The following BEND2 variants were observed in gnomAD, a reference collection of about 807,000 sequenced individuals.
The protein encoded by BEND2 is BEN domain-containing protein 2.
A neutral mutation model predicts 43.8 loss-of-function variants in BEND2; 19 were observed. The observed-to-expected ratio is 0.43, with a 90% CI of 0.30 to 0.64. The LOEUF is 0.64. Among genes scored for constraint, BEND2 ranks in the 30% least tolerant of loss-of-function variants. The pLI, the probability that BEND2 is intolerant of heterozygous loss-of-function variation, is 0.11. For synonymous variants in BEND2, 226 were observed against 210.1 expected (o/e 1.08, Z -0.66); for missense variants, 544 against 574.0 (o/e 0.95, Z 0.53).
intron 13 of BEND2, among the ~76,000 whole-genome samples, chrX:18,167,544 T>C (rs1923855942): frequency 9.0e-6 from 1 of 111,271 alleles, no homozygotes; most frequent in Non-Finnish European, 1.9e-5. Context: ...GAGGTCTTAG[T>C]TGACCATAAA....
intron 4 of BEND2, among the ~76,000 whole-genome samples, chrX:18,207,127 G>A (rs929772464): frequency 1.8e-5 from 2 of 110,882 alleles, no homozygotes; most frequent in East Asian, 2.9e-4. Context: ...TTCCCAGCTC[G>A]CCTCTGCACC....
chrX:18,201,417 ACAAAAAAAAAAAAAC>A (rs1925151614), intron 6 of BEND2, among the ~76,000 whole-genome samples: 1 of 87,083 alleles, frequency 1.1e-5, no homozygotes, highest in African/African-American at 5.0e-5. Flanking sequence ...AAAAAAAAAA[ACAAAAAAAAAAAAAC>A]TGGTGGATCA....
chrX:18,195,679 G>A (rs909707859), intron 6 of BEND2, among the ~76,000 whole-genome samples: 1 of 109,931 alleles, frequency 9.1e-6, no homozygotes, highest in Non-Finnish European at 1.9e-5. Context: ...CCAGAAGTTC[G>A]AGACCAGCCT....
chrX:18,164,715 C>A lies in BEND2; in HGVS notation c.*294G>T, dbSNP rs1453413744. 1.4e-5 allele frequency: 3 copies of A among 211,406 alleles called. No individual in the cohort carries two copies. Among genetic ancestry groups the A allele is most frequent in the Non-Finnish European group, 2.5e-5 (3 of 117,823 alleles). 17.4% of individuals were successfully genotyped at this position (211,406 alleles called of 1,213,427 possible). On this transcript the variant is annotated 3_prime_UTR_variant, in exon 14 of 14. Coordinates refer to ENST00000380033, the MANE Select transcript of BEND2 (RefSeq NM_153346.5). ...TTCTTTCTCTACCTTATCAAAAAAA[C>A]AAAGTATATTAATGTCAATTATCTA...
chrX:18,201,483 T>C (rs958971166), intron 6 of BEND2, among the ~76,000 whole-genome samples: 3 of 107,250 alleles, frequency 2.8e-5, no homozygotes, highest in African/African-American at 1.0e-4. Flanking sequence ...CATTTCTTTT[T>C]TATGTATTTA....
At chrX:18,181,512 A>G (rs1239921356) in intron 8 of BEND2, among the ~76,000 whole-genome samples, 1 of 111,983 alleles carries the variant, frequency 8.9e-6, no homozygotes, top group East Asian at 2.8e-4. Flanking sequence ...AAGAGCAGAA[A>G]GAAAGGCGAT....
At chrX:18,213,119 T>C (rs1887951540) in intron 3 of BEND2, among the ~76,000 whole-genome samples, 1 of 111,860 alleles carries the variant, frequency 8.9e-6, no homozygotes, top group Non-Finnish European at 1.9e-5. Context: ...AGACACCACC[T>C]CCTCATCTGC....
intron 5 of BEND2, 21 bp from the exon 6 acceptor site, chrX:18,201,961 A>C (rs1356016421): frequency 1.2e-5 from 14 of 1,198,721 alleles, no homozygotes; most frequent in Middle Eastern, 2.3e-4. Context: ...AAAGTTTTCA[A>C]GAGCTGTAAT....
chrX:18,178,547 G>A (rs895274799), intron 9 of BEND2, among the ~76,000 whole-genome samples: 1 of 110,537 alleles, frequency 9.0e-6, no homozygotes, highest in Admixed American at 9.7e-5. Flanking sequence ...CATACTTTAA[G>A]TATAGTTTAA....
Position 18,220,803 on chromosome X carries a change from G to A in BEND2, c.-53C>T, listed in dbSNP as rs139948763. On this transcript the variant is annotated 5_prime_UTR_variant, in exon 1 of 14. Coordinates refer to ENST00000380033, the MANE Select transcript of BEND2 (RefSeq NM_153346.5). Reference sequence around the variant, plus strand: ...GCCCGAGACCTGAGGCCCGAGACCTGAGGCCTACGTCTGCGCCGCGGCTCT... The same window carrying A: ...GCCCGAGACCTGAGGCCCGAGACCTAAGGCCTACGTCTGCGCCGCGGCTCT... 1.4e-3 allele frequency: 1,553 copies of A among 1,147,658 alleles called. 18 individuals carry two copies. The East Asian group carries it at 0.038, about 28-fold the overall frequency. The allele number at this position is 1,147,658 out of a possible 1,213,427, so 94.6% of individuals were successfully genotyped here.
intron 6 of BEND2, among the ~76,000 whole-genome samples, chrX:18,200,857 T>C (rs1179871444): frequency 8.9e-6 from 1 of 111,894 alleles, no homozygotes; most frequent in East Asian, 2.8e-4. Flanking sequence ...AAGAACTAAA[T>C]ACACACACAC....
chrX:18,206,046 G>A (rs1042583952), intron 4 of BEND2, among the ~76,000 whole-genome samples: 2 of 111,770 alleles, frequency 1.8e-5, no homozygotes, highest in Non-Finnish European at 3.8e-5. Context: ...GTAGGGAATC[G>A]GGATGAAAAT....
chrX:18,195,678 C>A (rs955908149), intron 6 of BEND2, among the ~76,000 whole-genome samples: 3 of 110,165 alleles, frequency 2.7e-5, no homozygotes, highest in Admixed American at 2.0e-4. Context: ...CCCAGAAGTT[C>A]GAGACCAGCC....
At chrX:18,218,009 G>A (rs1456727998) in intron 1 of BEND2, among the ~76,000 whole-genome samples, 1 of 109,455 alleles carries the variant, frequency 9.1e-6, no homozygotes, top group Admixed American at 9.9e-5. Flanking sequence ...GGGAGGCTGA[G>A]GTAGGATGGC....
intron 1 of BEND2, among the ~76,000 whole-genome samples, chrX:18,219,246 G>A (rs1393239974): frequency 8.9e-6 from 1 of 112,418 alleles, no homozygotes; most frequent in East Asian, 2.8e-4. Flanking sequence ...TGGAAAAATC[G>A]CTTTTAGTCA....
intron 13 of BEND2, among the ~76,000 whole-genome samples, 176 bp from the exon 14 acceptor site, chrX:18,165,399 G>T (rs1923796819): frequency 8.9e-6 from 1 of 112,121 alleles, no homozygotes; most frequent in South Asian, 3.7e-4. Flanking sequence ...AATCTAAAAA[G>T]AGAACTATAT....
chrX:18,163,667 A>G lies in BEND2; in HGVS notation c.*1342T>C, dbSNP rs1057436420. On this transcript the variant is annotated 3_prime_UTR_variant, in exon 14 of 14. Coordinates refer to ENST00000380033, the MANE Select transcript of BEND2 (RefSeq NM_153346.5). The stretch of plus-strand genomic sequence containing the variant: ...CTGTGGTTTTGCTTCTAGTCCAGGG[A>G]ATATTTCAGATACCACAAAATATAA... 4 of 112,203 alleles carry G rather than the reference A, an allele frequency of 3.6e-5. No homozygotes were observed. Among genetic ancestry groups the G allele is most frequent in the Non-Finnish European group, 7.5e-5 (4 of 53,238 alleles). The allele number at this position is 112,203 out of a possible 1,213,427, so 9.2% of individuals were successfully genotyped here.
At chrX:18,186,458 GAA>G (rs762170297) in intron 8 of BEND2, among the ~76,000 whole-genome samples, 6 of 46,026 alleles carry the variant, frequency 1.3e-4, no homozygotes, top group African/African-American at 2.9e-4. Context: ...AACTCCGTCG[GAA>G]AAAAAAAAAA....
intron 8 of BEND2, among the ~76,000 whole-genome samples, chrX:18,184,186 G>T (rs1475010295): frequency 1.8e-5 from 2 of 111,270 alleles, no homozygotes; most frequent in African/African-American, 6.5e-5. Flanking sequence ...TGTTTGGGGG[G>T]ACGTAAGGGA....
Sources: gnomAD v4.1 joint callset for allele counts (sites outside exome capture counted in the v4.1 genomes callset) on GRCh38, gnomAD v4.1.1 for gene constraint, MANE v1.5 for transcripts, NCBI Gene and HGNC (gene_info 2026-07-23, HGNC 2026-07-21) for gene names.